The following ANKS1B variants were observed in gnomAD, a reference collection of about 807,000 sequenced individuals.
ANKS1B encodes ankyrin repeat and sterile alpha motif domain containing 1B.
ANKS1B carries 36 observed loss-of-function variants against 148.3 expected under a neutral mutation model. The observed-to-expected ratio is 0.24, with a 90% CI of 0.19 to 0.32. The LOEUF (loss-of-function observed/expected upper bound fraction) is 0.32, where lower values mean the gene tolerates loss of function less well. ANKS1B is among the 10% of genes least tolerant of loss of function. The pLI, the probability that ANKS1B is intolerant of heterozygous loss-of-function variation, is 1.00. For missense variants in ANKS1B, 1,157 were observed against 1,542.6 expected (o/e 0.75, Z 4.19); for synonymous variants, 542 against 560.8 (o/e 0.97, Z 0.47).
At chr12:99,735,294 G>T (rs189069582) in intron 8 of ANKS1B, among the ~76,000 whole-genome samples, 8 of 151,936 alleles carry the variant, frequency 5.3e-5, no homozygotes, top group Non-Finnish European at 1.2e-4. Flanking sequence ...ATGAAATAGA[G>T]ACCACAAAAA....
At chr12:99,189,288 T>TTCTGAAACTATTCCA in intron 14 of ANKS1B, among the ~76,000 whole-genome samples, 1 of 152,308 alleles carries the variant, frequency 6.6e-6, no homozygotes. Flanking sequence ...GTACCATTCC[T>TTCTGAAACTATTCCA]TCTGAAACTA....
chr12:99,579,321 A>ATGGAAACAAAAACAATC (rs2097548357), intron 9 of ANKS1B, among the ~76,000 whole-genome samples: 1 of 152,180 alleles, frequency 6.6e-6, no homozygotes, highest in African/African-American at 2.4e-5. Flanking sequence ...TCCAAAAGCA[A>ATGGAAACAAAAACAATC]TGGAAACAAA....
At chr12:99,174,746 C>T (rs1189549840) in intron 14 of ANKS1B, among the ~76,000 whole-genome samples, 1 of 151,864 alleles carries the variant, frequency 6.6e-6, no homozygotes, top group Admixed American at 6.6e-5. Flanking sequence ...CTTGAATTTC[C>T]CTTGGATTTT....
intron 17 of ANKS1B, among the ~76,000 whole-genome samples, chr12:98,906,212 C>T (rs570857314): frequency 6.6e-6 from 1 of 152,286 alleles, no homozygotes; most frequent in East Asian, 1.9e-4. Flanking sequence ...TTAATAACTG[C>T]TCTATTCCAA....
chr12:99,941,843 G>A (rs1035483525), intron 1 of ANKS1B, among the ~76,000 whole-genome samples: 3 of 152,098 alleles, frequency 2.0e-5, no homozygotes, highest in Non-Finnish European at 4.4e-5. Flanking sequence ...TAAATTTTGA[G>A]AACAGAAACT....
At chr12:99,319,375 T>G (rs901862955) in intron 12 of ANKS1B, among the ~76,000 whole-genome samples, 1 of 152,238 alleles carries the variant, frequency 6.6e-6, no homozygotes, top group Non-Finnish European at 1.5e-5. Flanking sequence ...GCATATATAT[T>G]TAGGATAGTT....
chr12:99,841,991 C>T (rs1465954469), intron 1 of ANKS1B, among the ~76,000 whole-genome samples: 1 of 152,004 alleles, frequency 6.6e-6, no homozygotes, highest in Non-Finnish European at 1.5e-5. Flanking sequence ...TAATTAACTA[C>T]TCTCTGTTCT....
At chr12:99,388,313 G>A (rs879333836) in intron 12 of ANKS1B, among the ~76,000 whole-genome samples, 1 of 152,158 alleles carries the variant, frequency 6.6e-6, no homozygotes, top group Non-Finnish European at 1.5e-5. Context: ...TTATAATTTA[G>A]TACCTATTAA....
chr12:99,071,255 A>G (rs901205396), intron 16 of ANKS1B, among the ~76,000 whole-genome samples: 3 of 152,248 alleles, frequency 2.0e-5, no homozygotes, highest in Admixed American at 6.5e-5. Flanking sequence ...GGACATAAGT[A>G]AATGCTCAAT....
chr12:99,187,646 G>C (rs1395698453), intron 14 of ANKS1B, among the ~76,000 whole-genome samples: 4 of 152,162 alleles, frequency 2.6e-5, no homozygotes, highest in African/African-American at 9.7e-5. Flanking sequence ...CAAATGCTGA[G>C]AGATTTTGTC....
chr12:98,838,408 C>T lies in ANKS1B; in HGVS notation c.2779-6272G>A, dbSNP rs78304359. 7.5e-3 allele frequency among the ~76,000 whole-genome samples: 1,139 copies of T among 152,294 alleles called. 15 individuals are homozygous for T. The highest frequency in any genetic ancestry group is 0.026 in the African/African-American group (1,099 of 41,558). Reference sequence around the variant, plus strand: ...ATCCGTTTATTGCCGGCTGGACCAACTCCTGGGAAAATCACAAACCCACAT... The same window carrying T: ...ATCCGTTTATTGCCGGCTGGACCAATTCCTGGGAAAATCACAAACCCACAT... On this transcript the variant is annotated intron_variant, in intron 17 of 26. Coordinates refer to ENST00000683438, the MANE Select transcript of ANKS1B (RefSeq NM_001352186.2).
At chr12:99,753,243 A>G (rs181003192) in intron 8 of ANKS1B, among the ~76,000 whole-genome samples, 1 of 152,290 alleles carries the variant, frequency 6.6e-6, no homozygotes, top group African/African-American at 2.4e-5. Context: ...ACCTCATAAG[A>G]TGAACAAGAT....
Position 98,744,786 on chromosome 12 carries a change from G to A in ANKS1B, c.*953C>T, listed in dbSNP as rs1256332588. ...TCCATGACAGAAATCTTGACAGCAG[G>A]AGCACTAGATTTTTTTTTTTTTAAC... On this transcript the variant is annotated 3_prime_UTR_variant, in exon 27 of 27. Coordinates refer to ENST00000683438, the MANE Select transcript of ANKS1B (RefSeq NM_001352186.2). 1 of 979,414 alleles carries A rather than the reference G, an allele frequency of 1.0e-6. No individual in the cohort carries two copies. The highest frequency in any genetic ancestry group is 1.2e-6 in the Non-Finnish European group (1 of 826,540). The allele number at this position is 979,414 out of a possible 1,614,324, so 60.7% of individuals were successfully genotyped here. A position where few individuals can be genotyped will look rare whatever the true frequency, so the allele number is the denominator to read the frequency against.
At chr12:98,854,759 C>A (rs140265424) in intron 17 of ANKS1B, among the ~76,000 whole-genome samples, 1 of 152,178 alleles carries the variant, frequency 6.6e-6, no homozygotes, top group African/African-American at 2.4e-5. Context: ...CATTGAGAAG[C>A]AGAATTAGGG....
At chr12:99,097,838 C>G (rs997540765) in intron 15 of ANKS1B, among the ~76,000 whole-genome samples, 2 of 152,186 alleles carry the variant, frequency 1.3e-5, no homozygotes, top group Non-Finnish European at 2.9e-5. Flanking sequence ...AACACGGCAT[C>G]TGTTCTGGAG....
At chr12:98,976,288 C>T (rs2099895759) in intron 17 of ANKS1B, 1 of 152,120 alleles carries the variant, frequency 6.6e-6, no homozygotes, top group Admixed American at 6.6e-5. Flanking sequence ...GTATTTACCC[C>T]AGAAATATTT....
chr12:99,154,732 A>C lies in ANKS1B; in HGVS notation c.2420-337T>G, dbSNP rs1013385555. 5.4e-5 allele frequency: 78 copies of C among 1,439,852 alleles called. No homozygotes were observed. The African/African-American group carries it at 1.1e-3, about 20-fold the overall frequency. The allele number at this position is 1,439,852 out of a possible 1,614,324, so 89.2% of individuals were successfully genotyped here. ...GTCAGCTTGGGCTGGTCTGCGTTCT[A>C]TGTGATTGTTGGAGTACTCCACAAT... On this transcript the variant is annotated intron_variant, in intron 14 of 26. Transcript: ENST00000683438.
chr12:99,780,074 G>T, intron 5 of ANKS1B, 102 bp from the exon 6 acceptor site: 2 of 821,060 alleles, frequency 2.4e-6, no homozygotes, highest in African/African-American at 1.7e-5. Context: ...TACAGACCAA[G>T]CATTGAAAGT....
chr12:99,194,979 G>T (rs900200586), intron 14 of ANKS1B, among the ~76,000 whole-genome samples: 1 of 151,974 alleles, frequency 6.6e-6, no homozygotes, highest in Admixed American at 6.6e-5. Flanking sequence ...AAATAAAAAG[G>T]TTTTTTTAAT....
Sources: gnomAD v4.1 joint callset for allele counts (sites outside exome capture counted in the v4.1 genomes callset) on GRCh38, gnomAD v4.1.1 for gene constraint, MANE v1.5 for transcripts, NCBI Gene and HGNC (gene_info 2026-07-23, HGNC 2026-07-21) for gene names.